Variants in EFCC1 observed in about 807,000 individuals in gnomAD.
EFCC1 encodes EF-hand and coiled-coil domain containing 1.
In EFCC1, 50 loss-of-function variants were observed where a neutral mutation model predicts 52.1. The observed-to-expected ratio is 0.96, with a 90% CI of 0.76 to 1.21. EFCC1 has a LOEUF of 1.21. Among genes scored for constraint, EFCC1 ranks in the 50% most tolerant of loss-of-function variants. The pLI is 0.00. For missense variants in EFCC1, 837 were observed against 867.3 expected (o/e 0.97, Z 0.44); for synonymous variants, 399 against 396.5 (o/e 1.01, Z -0.08).
rs903619004 is a variant in EFCC1 at position 129,014,407 on chromosome 3, G to A, written c.980+10330G>A. ...GTGTCGCAGCGTTGGCTTCTCCTGC[G>A]GCCTCTCTCCTGGGCTGGCAGCCAG... On this transcript the variant is annotated intron_variant, in intron 2 of 7. Transcript: ENST00000683648. This position sits in a 1 kb window ranked among gnomAD's most constrained non-coding sequence, Gnocchi z 4.3. Among the ~76,000 whole-genome samples, 2 of 152,138 alleles carry A rather than the reference G, an allele frequency of 1.3e-5. No homozygotes were observed. The highest frequency in any genetic ancestry group is 2.9e-5 in the Non-Finnish European group (2 of 68,024).
chr3:129,039,122 G>A (rs1456421015), intron 7 of EFCC1, among the ~76,000 whole-genome samples: 3 of 152,180 alleles, frequency 2.0e-5, no homozygotes, highest in African/African-American at 4.8e-5. Flanking sequence ...ATGGGTGGGC[G>A]CCACCGGCAG....
At chr3:129,028,173 T>A (rs1946182082) in intron 2 of EFCC1, among the ~76,000 whole-genome samples, 1 of 151,056 alleles carries the variant, frequency 6.6e-6, no homozygotes, top group Non-Finnish European at 1.5e-5. Flanking sequence ...AACCGCCACC[T>A]CCTGGGTTCA....
At chr3:129,039,007 A>T (rs1157277234) in intron 7 of EFCC1, 107 bp downstream of exon 7, 11 of 999,308 alleles carry the variant, frequency 1.1e-5, no homozygotes, top group Non-Finnish European at 1.6e-5. Flanking sequence ...CAAAACAATC[A>T]TGTTATTCCT....
intron 2 of EFCC1, among the ~76,000 whole-genome samples, chr3:129,026,725 C>T (rs1320308338): frequency 6.6e-6 from 1 of 152,114 alleles, no homozygotes; most frequent in Non-Finnish European, 1.5e-5. Flanking sequence ...TAGTCTGGAG[C>T]CTGTGGAGTA....
chr3:129,011,737 A>G (rs1159660447), intron 2 of EFCC1, among the ~76,000 whole-genome samples: 1 of 151,862 alleles, frequency 6.6e-6, no homozygotes. Flanking sequence ...CCCTCATTCA[A>G]ATACATGCCC....
intron 1 of EFCC1, chr3:129,003,420 G>A: frequency 2.6e-6 from 1 of 389,418 alleles, no homozygotes; most frequent in South Asian, 1.1e-4. Context: ...GCCACTGGGG[G>A]GAGTCTAGGA....
rs933714141 is a variant in EFCC1 at position 129,039,950 on chromosome 3, A to T, written c.*102A>T. 51 of 1,421,626 alleles carry T rather than the reference A, an allele frequency of 3.6e-5. No homozygotes were observed. The highest frequency in any genetic ancestry group is 4.5e-5 in the Non-Finnish European group (48 of 1,073,080). The allele number at this position is 1,421,626 out of a possible 1,614,324, so 88.1% of individuals were successfully genotyped here. On this transcript the variant is annotated 3_prime_UTR_variant, in exon 8 of 8. Transcript: ENST00000683648. ...TGACAGCTGGTCTGACCACCGTCAC[A>T]TCATCAGAACTTGAGTCTCTGCTGG...
chr3:129,032,373 C>A (rs1946289306), intron 3 of EFCC1, among the ~76,000 whole-genome samples: 1 of 152,034 alleles, frequency 6.6e-6, no homozygotes, highest in African/African-American at 2.4e-5. Context: ...AGAAGCCAGG[C>A]ACGGTGGTTC....
Position 129,034,273 on chromosome 3 carries a change from G to A in EFCC1, c.1396G>A (p.Glu466Lys), listed in dbSNP as rs758066207. 1 of 1,614,154 alleles carries A rather than the reference G, an allele frequency of 6.2e-7. No homozygotes were observed. The highest frequency in any genetic ancestry group is 8.5e-7 in the Non-Finnish European group (1 of 1,180,034). ...GGAGGCCTGCATTGCCATGCTGGTGGAGCAGCTGAGGACTCAGGGCTGCGG... is the reference window on the plus strand; with the variant it reads ...GGAGGCCTGCATTGCCATGCTGGTGAAGCAGCTGAGGACTCAGGGCTGCGG... ...ELEACIAMLV[E>K]QLRTQGCGGR... Residue 466 changes from glutamate to lysine, a missense_variant, in exon 5 of 8, where the codon GAG (glutamate) becomes AAG (lysine). Glu to Lys is a moderately conservative substitution (Grantham distance 56). Transcript: ENST00000683648.
intron 1 of EFCC1, 66 bp from the exon 2 acceptor site, chr3:129,003,726 GGC>G: frequency 7.9e-7 from 1 of 1,269,702 alleles, no homozygotes; most frequent in Non-Finnish European, 1.0e-6. Context: ...CCGCCGTCGT[GGC>G]GGGCGTTCGT....
Position 129,040,459 on chromosome 3 carries a change from G to A in EFCC1, c.*611G>A, listed in dbSNP as rs1946408060. On this transcript the variant is annotated 3_prime_UTR_variant, in exon 8 of 8. Transcript: ENST00000683648. The surrounding 1 kb of genome is among the most constrained non-coding windows in gnomAD (Gnocchi z 4.4). Reference sequence around the variant, plus strand: ...GGATTTAGACAGGTAAAGAAAGGAGGGAAGGGCATAGAATCTAAGGTAATG... The same window carrying A: ...GGATTTAGACAGGTAAAGAAAGGAGAGAAGGGCATAGAATCTAAGGTAATG... The A allele has an allele frequency of 6.6e-6, 1 of 152,362 alleles. No homozygotes were observed. Among genetic ancestry groups the A allele is most frequent in the South Asian group, 2.1e-4 (1 of 4,834 alleles). 9.4% of individuals were successfully genotyped at this position (152,362 alleles called of 1,614,324 possible). A position where few individuals can be genotyped will look rare whatever the true frequency, so the allele number is the denominator to read the frequency against.
Position 129,003,905 on chromosome 3 carries a change from C to T in EFCC1, c.808C>T (p.Arg270Cys), listed in dbSNP as rs1001543279. The change falls in exon 2 of 8, where the codon CGC (arginine) becomes TGC (cysteine). Residue 270 changes from arginine (R) to cysteine (C), a missense_variant. Physicochemically the swap from Arg to Cys is radical, Grantham distance 180. Transcript: ENST00000683648. ...GGGCGCCCTGGCTGCGGCGGAGGCC[C>T]GCGCTGGGCGGCTGCGCCGTGGCCA... is the stretch of plus-strand genomic sequence containing the variant. ...AQGALAAAEA[R>C]AGRLRRGQAE... is the part of the protein sequence containing the mutation. 1.5e-6 allele frequency: 2 copies of T among 1,348,668 alleles called. No homozygotes were observed. The highest frequency in any genetic ancestry group is 1.9e-6 in the Non-Finnish European group (2 of 1,054,966). 83.5% of individuals were successfully genotyped at this position (1,348,668 alleles called of 1,614,324 possible).
At chr3:129,002,536 C>T in intron 1 of EFCC1, 1 of 1,003,616 alleles carries the variant, frequency 1.0e-6, no homozygotes, top group Non-Finnish European at 1.3e-6. Flanking sequence ...CCACCTATTC[C>T]ATTCCTGAAA....
At chr3:129,016,384 C>G (rs970316309) in intron 2 of EFCC1, among the ~76,000 whole-genome samples, 1 of 152,126 alleles carries the variant, frequency 6.6e-6, no homozygotes, top group African/African-American at 2.4e-5. Flanking sequence ...CAAGCTGTAG[C>G]TCTTTCTGAA....
intron 2 of EFCC1, among the ~76,000 whole-genome samples, chr3:129,024,382 T>C (rs1193470110): frequency 6.6e-6 from 1 of 151,674 alleles, no homozygotes; most frequent in African/African-American, 2.4e-5. Flanking sequence ...AAATACAAAA[T>C]TAGCCAGGCA....
intron 2 of EFCC1, among the ~76,000 whole-genome samples, chr3:129,030,055 G>A (rs544085993): frequency 6.6e-5 from 10 of 151,820 alleles, no homozygotes; most frequent in Non-Finnish European, 1.0e-4. Flanking sequence ...GTGTGGTGGC[G>A]CATACCTGTA....
At chr3:129,020,107 A>G (rs978076568) in intron 2 of EFCC1, among the ~76,000 whole-genome samples, 1 of 152,168 alleles carries the variant, frequency 6.6e-6, no homozygotes, top group Non-Finnish European at 1.5e-5. Context: ...TGTGGTTACC[A>G]TATTGGACGA....
At chr3:129,037,144 T>C in intron 6 of EFCC1, 27 bp downstream of exon 6, 1 of 1,582,860 alleles carries the variant, frequency 6.3e-7, no homozygotes, top group South Asian at 1.1e-5. Context: ...GCTGCCACAC[T>C]CAGGGAAGGG....
At chr3:129,029,849 T>C (rs565159592) in intron 2 of EFCC1, among the ~76,000 whole-genome samples, 1 of 149,760 alleles carries the variant, frequency 6.7e-6, no homozygotes, top group African/African-American at 2.5e-5. Flanking sequence ...CCTCTCATAG[T>C]GCTAGGATTA....
Sources: gnomAD v4.1 joint callset for allele counts (sites outside exome capture counted in the v4.1 genomes callset) on GRCh38, gnomAD v4.1.1 for gene constraint, Gnocchi (gnomAD v3.1) non-coding constraint, MANE v1.5 for transcripts, NCBI Gene and HGNC (gene_info 2026-07-23, HGNC 2026-07-21) for gene names.